Variants in PITPNM2 observed in about 807,000 individuals in gnomAD.
PITPNM2 encodes phosphatidylinositol transfer protein membrane associated 2, also known as membrane-associated phosphatidylinositol transfer protein 2.
Under a neutral mutation model 132.2 loss-of-function variants are expected in PITPNM2, and 35 were observed. The observed-to-expected ratio is 0.26, with a 90% CI of 0.20 to 0.35. PITPNM2 has a LOEUF of 0.35. PITPNM2 is among the 10% of genes least tolerant of loss of function. The pLI is 1.00. For synonymous variants in PITPNM2, 738 were observed against 799.2 expected, an observed-to-expected ratio of 0.92 and a Z score of 1.29; for missense variants, 1,332 against 1,912.0, an observed-to-expected ratio of 0.70 and a Z score of 5.66.
chr12:122,997,134 G>A (rs770338033), intron 11 of PITPNM2, among the ~76,000 whole-genome samples, 191 bp downstream of exon 11: 3 of 152,144 alleles, frequency 2.0e-5, no homozygotes, highest in Non-Finnish European at 4.4e-5. Flanking sequence ...GCTCAGCCAT[G>A]GGCCCAGGCC....
chr12:122,994,858 C>T lies in PITPNM2; in HGVS notation c.2176G>A (p.Gly726Arg), dbSNP rs2038353801. The T allele has an allele frequency of 6.2e-7, 1 of 1,612,184 alleles. No individual in the cohort carries two copies. Among genetic ancestry groups the T allele is most frequent in the Non-Finnish European group, 8.5e-7 (1 of 1,179,940 alleles). Reference protein sequence around the residue: ...DFEITDLFLFGCPLGLVLALR... With the variant: ...DFEITDLFLFRCPLGLVLALR... ...GCCAGGACCAGCCCCAGCGGGCACC[C>T]GAAGAGGAAGAGGTCGGTGATCTCA... The change falls in exon 15 of 26, where the codon GGG (glycine) becomes AGG (arginine). Residue 726 changes from glycine (G) to arginine (R), a missense_variant. Coordinates refer to ENST00000320201, the MANE Select transcript of PITPNM2 (RefSeq NM_020845.3). This position sits in a 1 kb window ranked among gnomAD's most constrained non-coding sequence, Gnocchi z 5.4.
intron 1 of PITPNM2, among the ~76,000 whole-genome samples, chr12:123,120,257 G>C (rs928846604): frequency 2.0e-5 from 3 of 152,208 alleles, no homozygotes; most frequent in African/African-American, 7.2e-5. Context: ...ACTCCAACTG[G>C]CTGTGAGCTT....
chr12:123,059,449 G>T (rs2041157871), intron 2 of PITPNM2, among the ~76,000 whole-genome samples: 1 of 152,244 alleles, frequency 6.6e-6, no homozygotes, highest in Non-Finnish European at 1.5e-5. Flanking sequence ...GCAGTCAGGA[G>T]TACTGTCCCA....
In PITPNM2 at chr12:123,023,438, C is replaced by G. The variant is rs2136343359; in HGVS notation, c.79-9396G>C. ...ACCAGGAGGACACTTACAAAGACAT[C>G]CTCAAGATGACCTACTTGTGGTATA... On this transcript the variant is annotated intron_variant, in intron 3 of 25. Coordinates refer to ENST00000320201, the MANE Select transcript of PITPNM2 (RefSeq NM_020845.3). The surrounding 1 kb of genome is among the most constrained non-coding windows in gnomAD (Gnocchi z 4.8). Among the ~76,000 whole-genome samples, 1 of 152,240 alleles carries G rather than the reference C, an allele frequency of 6.6e-6. No individual in the cohort carries two copies. The highest frequency in any genetic ancestry group is 3.4e-3 in the Middle Eastern group (1 of 294).
intron 1 of PITPNM2, among the ~76,000 whole-genome samples, chr12:123,116,119 C>T (rs937593528): frequency 8.5e-5 from 13 of 152,162 alleles, no homozygotes; most frequent in Non-Finnish European, 1.8e-4. Context: ...GGCCTTGTGG[C>T]CTGTTTTAGC....
At chr12:122,989,758 C>T in intron 18 of PITPNM2, 29 bp downstream of exon 18, 1 of 1,365,096 alleles carries the variant, frequency 7.3e-7, no homozygotes, top group Non-Finnish European at 9.5e-7. Flanking sequence ...GAGTGACCCC[C>T]AGTGAGGGGA....
chr12:122,993,028 T>C lies in PITPNM2; in HGVS notation c.2234-359A>G, dbSNP rs923400710. Among the ~76,000 whole-genome samples the C allele has an allele frequency of 6.6e-6, 1 of 152,128 alleles. No individual in the cohort carries two copies. Among genetic ancestry groups the C allele is most frequent in the African/African-American group, 2.4e-5 (1 of 41,416 alleles). On this transcript the variant is annotated intron_variant, in intron 15 of 25. Coordinates refer to ENST00000320201, the MANE Select transcript of PITPNM2 (RefSeq NM_020845.3). This position sits in a 1 kb window ranked among gnomAD's most constrained non-coding sequence, Gnocchi z 5.2. ...TTTTTGTAGAGATGGGGTCTTACTA[T>C]GTTATCCAGGCTGGTCTCAAACTCC...
rs1483812574 is a variant in PITPNM2, at chr12:123,099,776, C to A, written c.-96+10609G>T. 6.6e-6 allele frequency among the ~76,000 whole-genome samples: 1 copy of A among 152,182 alleles called. No individual in the cohort carries two copies. The highest frequency in any genetic ancestry group is 1.5e-5 in the Non-Finnish European group (1 of 68,034). On this transcript the variant is annotated intron_variant, in intron 2 of 25. Transcript: ENST00000320201. This position sits in a 1 kb window ranked among gnomAD's most constrained non-coding sequence, Gnocchi z 4.2. ...CCTCTCAGATCCCACAGCTGGCGCA[C>A]TATCCTTAGGAAGCCCCTCCAGCTG... is the stretch of plus-strand genomic sequence containing the variant.
chr12:123,004,526 G>A lies in PITPNM2; in HGVS notation c.953-37C>T, dbSNP rs778510958. 14 of 1,606,346 alleles carry A rather than the reference G, an allele frequency of 8.7e-6. No homozygotes were observed. In the South Asian group the frequency reaches 9.9e-5, roughly 11 times the overall value. On this transcript the variant is annotated intron_variant, in intron 7 of 25. Coordinates refer to ENST00000320201, the MANE Select transcript of PITPNM2 (RefSeq NM_020845.3). The surrounding 1 kb of genome is among the most constrained non-coding windows in gnomAD (Gnocchi z 4.9). The stretch of plus-strand genomic sequence containing the variant: ...AACCCCAGATTGACCGCCAACTGGA[G>A]AGGAAGGGCCCAGAGGCTGCCCTGA...
chr12:123,029,422 C>A lies in PITPNM2; in HGVS notation c.78+5091G>T, dbSNP rs2039990229. 2.0e-5 allele frequency among the ~76,000 whole-genome samples: 3 copies of A among 152,140 alleles called. No homozygotes were observed. The South Asian group carries it at 6.2e-4, about 31-fold the overall frequency. On this transcript the variant is annotated intron_variant, in intron 3 of 25. Transcript: ENST00000320201. ...CCAACATGGCGAAAGCCCATCTCTA[C>A]TAAAAATACAAAAATTAGCCAGGCA...
rs1469142980 is a variant in PITPNM2, at chr12:123,150,803, C to A, written c.-250G>T. Among the ~76,000 whole-genome samples, 1 of 147,662 alleles carries A rather than the reference C, an allele frequency of 6.8e-6. No individual in the cohort carries two copies. Among genetic ancestry groups the A allele is most frequent in the African/African-American group, 2.4e-5 (1 of 40,980 alleles). On this transcript the variant is annotated 5_prime_UTR_variant, in exon 1 of 26. Coordinates refer to ENST00000320201, the MANE Select transcript of PITPNM2 (RefSeq NM_020845.3). The surrounding 1 kb of genome is among the most constrained non-coding windows in gnomAD (Gnocchi z 6.0). ...GTCCTCTTCGGGGCCCCGGCTGGGC[C>A]GCCGCCACCTCACGCCGCCTCACGG...
chr12:123,034,551 C>T lies in PITPNM2; in HGVS notation c.40G>A (p.Val14Met), dbSNP rs140068156. The stretch of plus-strand genomic sequence containing the variant: ...AGCTGGGCGATGCGGTACTCCTCCA[C>T]GGTCATTGGCAGAGGAATCCGATAT... ...KEYRIPLPMTVEEYRIAQLYM... is the reference protein window; with the variant it reads ...KEYRIPLPMTMEEYRIAQLYM... The change falls in exon 3 of 26, where the codon GTG becomes ATG. Residue 14 changes from valine (V) to methionine (M), a missense_variant. By Grantham distance (21) the Val-to-Met change is conservative. This residue lies in a region of PITPNM2 where 83 missense variants were observed against 118.7 expected (regional missense o/e 0.70). Transcript: ENST00000320201. 13 of 1,614,098 alleles carry T rather than the reference C, an allele frequency of 8.1e-6. No homozygotes were observed. The highest frequency in any genetic ancestry group is 2.2e-5 in the South Asian group (2 of 91,086).
In PITPNM2 at chr12:123,058,805, C is replaced by G. The variant is rs1438083770; in HGVS notation, c.-95-24120G>C. Among the ~76,000 whole-genome samples, 1 of 152,188 alleles carries G rather than the reference C, an allele frequency of 6.6e-6. No homozygotes were observed. Among genetic ancestry groups the G allele is most frequent in the East Asian group, 1.9e-4 (1 of 5,196 alleles). On this transcript the variant is annotated intron_variant, in intron 2 of 25. Transcript: ENST00000320201. This position sits in a 1 kb window ranked among gnomAD's most constrained non-coding sequence, Gnocchi z 4.0. ...TGGAAAAAGCCCTTTCCCACGGGGTCCACCTGGAAAATTCTCGAAGTGTCT... is the reference window on the plus strand; with the variant it reads ...TGGAAAAAGCCCTTTCCCACGGGGTGCACCTGGAAAATTCTCGAAGTGTCT...
chr12:123,044,292 TAAG>T (rs976190337), intron 2 of PITPNM2, among the ~76,000 whole-genome samples: 1 of 152,228 alleles, frequency 6.6e-6, no homozygotes, highest in Non-Finnish European at 1.5e-5. Context: ...TCCTCCTACA[TAAG>T]AAGTGCCAGG....
intron 1 of PITPNM2, among the ~76,000 whole-genome samples, chr12:123,129,683 C>T (rs1334997545): frequency 6.6e-6 from 1 of 152,048 alleles, no homozygotes; most frequent in Non-Finnish European, 1.5e-5. Context: ...TTTAGTAGAT[C>T]TCCTAATATT....
At chr12:123,093,919 C>T (rs1435992477) in intron 2 of PITPNM2, among the ~76,000 whole-genome samples, 4 of 152,236 alleles carry the variant, frequency 2.6e-5, no homozygotes, top group Non-Finnish European at 5.9e-5. Context: ...GCAGAGGCAT[C>T]CCCACCCACA....
chr12:123,087,120 T>A (rs763896627), intron 2 of PITPNM2: 4 of 152,242 alleles, frequency 2.6e-5, no homozygotes, highest in African/African-American at 7.2e-5. Flanking sequence ...CCCAAATCCT[T>A]CCAGGGACTA....
In PITPNM2 at chr12:123,125,892, T is replaced by C. The variant is rs1331356629; in HGVS notation, c.-199-15404A>G. On this transcript the variant is annotated intron_variant, in intron 1 of 25. Transcript: ENST00000320201. ...TTTTTTTTTTTTTTTTTTTTTGAGA[T>C]GGAGTCTCGCACTGTCACCCAGGCT... 2.4e-4 allele frequency among the ~76,000 whole-genome samples: 18 copies of C among 75,682 alleles called. 1 individual carries two copies. Among genetic ancestry groups the C allele is most frequent in the South Asian group, 5.7e-4 (1 of 1,744 alleles). The allele number at this position is 75,682 out of a possible 152,430, so 49.7% of individuals were successfully genotyped here. A position where few individuals can be genotyped will look rare whatever the true frequency, so the allele number is the denominator to read the frequency against.
At chr12:123,048,205 AG>A (rs2040728388) in intron 2 of PITPNM2, among the ~76,000 whole-genome samples, 1 of 152,210 alleles carries the variant, frequency 6.6e-6, no homozygotes, top group Non-Finnish European at 1.5e-5. Context: ...GCCTCAAAAA[AG>A]AAGGACATTC....
Sources: gnomAD v4.1 joint callset for allele counts (sites outside exome capture counted in the v4.1 genomes callset) on GRCh38, gnomAD v4.1.1 for gene constraint, gnomAD v4.1.1 regional missense constraint, Gnocchi (gnomAD v3.1) non-coding constraint, MANE v1.5 for transcripts, NCBI Gene and HGNC (gene_info 2026-07-23, HGNC 2026-07-21) for gene names.